The following ATP1A1 variants were observed in gnomAD, a reference collection of about 807,000 sequenced individuals.
ATP1A1 encodes ATPase Na+/K+ transporting subunit alpha 1, also known as sodium/potassium-transporting ATPase subunit alpha-1.
A neutral mutation model predicts 114.8 loss-of-function variants in ATP1A1; 14 were observed. The ratio of observed to expected loss-of-function variants is 0.12; its 90% CI spans 0.08 to 0.19. The LOEUF (loss-of-function observed/expected upper bound fraction) is 0.19, where lower values mean the gene tolerates loss of function less well. Among genes scored for constraint, ATP1A1 ranks in the 10% least tolerant of loss-of-function variants. The probability of loss-of-function intolerance (pLI) is 1.00; values close to 1 mark genes in which losing one functional copy is unlikely to be tolerated. For missense variants in ATP1A1, 524 were observed against 1,290.7 expected, an observed-to-expected ratio of 0.41 and a Z score of 9.10; for synonymous variants, 471 against 466.3, an observed-to-expected ratio of 1.01 and a Z score of -0.13.
In ATP1A1 at chr1:116,389,582, G is replaced by A. The variant is rs2101045468; in HGVS notation, c.898G>A (p.Val300Met). Residue 300 changes from valine to methionine, a missense_variant, in exon 8 of 23, where the codon GTG becomes ATG. By Grantham distance (21) the Val-to-Met change is conservative (BLOSUM62 1). Around this residue, in one of 8 missense-constraint regions of ATP1A1, gnomAD observed 28 missense variants for 131.8 expected, o/e 0.21. Coordinates refer to ENST00000295598, the MANE Select transcript of ATP1A1 (RefSeq NM_000701.8). The surrounding 1 kb of genome is among the most constrained non-coding windows in gnomAD (Gnocchi z 6.9). Reference protein sequence around the residue: ...HFIHIITGVAVFLGVSFFILS... With the variant: ...HFIHIITGVAMFLGVSFFILS... ...TATCCACATCATCACGGGTGTGGCT[G>A]TGTTCCTGGGTGTGTCTTTCTTCAT... The A allele has an allele frequency of 4.3e-6, 7 of 1,614,208 alleles. No homozygotes were observed. Among genetic ancestry groups the A allele is most frequent in the Non-Finnish European group, 5.9e-6 (7 of 1,180,042 alleles).
rs1445506224 is a variant in ATP1A1 at position 116,390,332 on chromosome 1, G to A, written c.1143G>A (p.Leu381=). Residue 381 remains leucine, a synonymous_variant, in exon 9 of 23, where the codon CTG becomes CTA. Coordinates refer to ENST00000295598, the MANE Select transcript of ATP1A1 (RefSeq NM_000701.8). ...TCTGCTCTGATAAAACTGGAACTCT[G>A]ACTCAGAACCGGATGACAGTGGCCC... ...STICSDKTGT[L]TQNRMTVAHM... is the part of the protein sequence containing the mutation. The A allele has an allele frequency of 2.0e-5, 32 of 1,614,012 alleles. No individual in the cohort carries two copies. Among genetic ancestry groups the A allele is most frequent in the Non-Finnish European group, 2.5e-5 (30 of 1,180,032 alleles).
chr1:116,395,388 A>C lies in ATP1A1; in HGVS notation c.1836+103A>C. 1 of 1,247,760 alleles carries C rather than the reference A, an allele frequency of 8.0e-7. No homozygotes were observed. Among genetic ancestry groups the C allele is most frequent in the Non-Finnish European group, 1.1e-6 (1 of 917,764 alleles). 77.3% of individuals were successfully genotyped at this position (1,247,760 alleles called of 1,614,324 possible). A position where few individuals can be genotyped will look rare whatever the true frequency, so the allele number is the denominator to read the frequency against. On this transcript the variant is annotated intron_variant, in intron 13 of 22. Coordinates refer to ENST00000295598, the MANE Select transcript of ATP1A1 (RefSeq NM_000701.8). This position sits in a 1 kb window ranked among gnomAD's most constrained non-coding sequence, Gnocchi z 6.4. ...TCCAGATGGCCAGCTGTTCTATCTCACCTGGAGTATTAATTTCTCATCTCC... is the reference window on the plus strand; with the variant it reads ...TCCAGATGGCCAGCTGTTCTATCTCCCCTGGAGTATTAATTTCTCATCTCC...
chr1:116,374,116 G>A lies in ATP1A1; in HGVS notation c.12+593G>A. 2.0e-6 allele frequency: 3 copies of A among 1,538,156 alleles called. No homozygotes were observed. In the South Asian group the frequency reaches 3.6e-5, roughly 19 times the overall value. On this transcript the variant is annotated intron_variant, in intron 1 of 22. Coordinates refer to ENST00000295598, the MANE Select transcript of ATP1A1 (RefSeq NM_000701.8). ...CTTCTCCTGGGGACGCTGGGGCTTA[G>A]CTTGCTCCGCGCAGAGGCGGCCGCC...
At chr1:116,392,543 T>TA (rs1357086839) in intron 10 of ATP1A1, 1 of 224,340 alleles carries the variant, frequency 4.5e-6, no homozygotes, top group Non-Finnish European at 8.6e-6. Flanking sequence ...AAGATAGAAA[T>TA]AGACTGCAGT....
intron 21 of ATP1A1, among the ~76,000 whole-genome samples, chr1:116,402,898 G>T (rs12080268): frequency 6.6e-6 from 1 of 152,108 alleles, no homozygotes. Flanking sequence ...TTTCTTCTCT[G>T]TGCATCCCCA....
intron 1 of ATP1A1, among the ~76,000 whole-genome samples, chr1:116,380,611 A>G (rs886410263): frequency 9.2e-5 from 14 of 152,100 alleles, no homozygotes; most frequent in Non-Finnish European, 1.8e-4. Context: ...AGAGGAAGCA[A>G]CATCTTCAGC....
In ATP1A1 at chr1:116,385,958, C is replaced by T. The variant is rs1308757905; in HGVS notation, c.183+1116C>T. 1 of 151,942 alleles carries T rather than the reference C, an allele frequency of 6.6e-6. No homozygotes were observed. The highest frequency in any genetic ancestry group is 2.4e-5 in the African/African-American group (1 of 41,290). 9.4% of individuals were successfully genotyped at this position (151,942 alleles called of 1,614,324 possible). On this transcript the variant is annotated intron_variant, in intron 3 of 22. Transcript: ENST00000295598. This position sits in a 1 kb window ranked among gnomAD's most constrained non-coding sequence, Gnocchi z 4.3. ...CCTGACCAACATGGAGAAACCCCGTCTCTACTAAAAATACAAAATTAGCCT... is the reference window on the plus strand; with the variant it reads ...CCTGACCAACATGGAGAAACCCCGTTTCTACTAAAAATACAAAATTAGCCT...
Position 116,395,178 on chromosome 1 carries a change from A to C in ATP1A1, c.1729A>C (p.Asn577His). The change falls in exon 13 of 23, where the codon AAT becomes CAT. Residue 577 changes from asparagine to histidine, a missense_variant. Asn to His is a moderately conservative substitution (Grantham distance 68). Coordinates refer to ENST00000295598, the MANE Select transcript of ATP1A1 (RefSeq NM_000701.8). This position sits in a 1 kb window ranked among gnomAD's most constrained non-coding sequence, Gnocchi z 6.4. ...GTTCCAGTTTGACACTGACGATGTGAATTTCCCTATCGATAATCTGTGCTT... is the reference window on the plus strand; with the variant it reads ...GTTCCAGTTTGACACTGACGATGTGCATTTCCCTATCGATAATCTGTGCTT... ...EGFQFDTDDV[N>H]FPIDNLCFVG... 1 of 1,614,144 alleles carries C rather than the reference A, an allele frequency of 6.2e-7. No individual in the cohort carries two copies. Among genetic ancestry groups the C allele is most frequent in the Non-Finnish European group, 8.5e-7 (1 of 1,180,026 alleles).
chr1:116,404,463 G>C lies in ATP1A1; in HGVS notation c.*19G>C. 1 of 1,606,636 alleles carries C rather than the reference G, an allele frequency of 6.2e-7. No individual in the cohort carries two copies. Among genetic ancestry groups the C allele is most frequent in the Non-Finnish European group, 8.5e-7 (1 of 1,177,808 alleles). ...CTATTAGCCCCCCGTCCTGCACGCC[G>C]TGGAGCATCAGGCCACACACTCTGC... is the stretch of plus-strand genomic sequence containing the variant. On this transcript the variant is annotated 3_prime_UTR_variant, in exon 23 of 23. Coordinates refer to ENST00000295598, the MANE Select transcript of ATP1A1 (RefSeq NM_000701.8). This position sits in a 1 kb window ranked among gnomAD's most constrained non-coding sequence, Gnocchi z 4.8.
In ATP1A1 at chr1:116,388,066, A is replaced by T; in HGVS notation, c.388-65A>T. ...AAATCTGTTTTTTATTCAGTCAAAA[A>T]ATTAATTGAATGTCCCTAATTATTG... On this transcript the variant is annotated intron_variant, in intron 4 of 22. Coordinates refer to ENST00000295598, the MANE Select transcript of ATP1A1 (RefSeq NM_000701.8). This position sits in a 1 kb window ranked among gnomAD's most constrained non-coding sequence, Gnocchi z 5.6. 9.3e-7 allele frequency: 1 copy of T among 1,074,936 alleles called. No homozygotes were observed. The highest frequency in any genetic ancestry group is 1.4e-6 in the Non-Finnish European group (1 of 719,980). 66.6% of individuals were successfully genotyped at this position (1,074,936 alleles called of 1,614,324 possible). A position where few individuals can be genotyped will look rare whatever the true frequency, so the allele number is the denominator to read the frequency against.
chr1:116,376,630 CTGTT>C (rs1376050644), intron 1 of ATP1A1, among the ~76,000 whole-genome samples: 4 of 152,158 alleles, frequency 2.6e-5, no homozygotes, highest in Non-Finnish European at 4.4e-5. Flanking sequence ...TGGTAACTTA[CTGTT>C]TGTTAATTTG....
chr1:116,403,429 A>G (rs1653692961), intron 21 of ATP1A1, among the ~76,000 whole-genome samples: 1 of 152,222 alleles, frequency 6.6e-6, no homozygotes, highest in South Asian at 2.1e-4. Context: ...TCAGAGATCA[A>G]ATTTGGGGAA....
intron 13 of ATP1A1, 50 bp from the exon 14 acceptor site, chr1:116,396,548 A>G (rs1333209498): frequency 6.2e-7 from 1 of 1,606,500 alleles, no homozygotes; most frequent in Non-Finnish European, 8.5e-7. Flanking sequence ...TAAGACTTTA[A>G]GGTCATTTAC....
At position 116,393,739 on chromosome 1, in the gene ATP1A1, G is replaced by C. The variant is rs747576266; in HGVS notation, c.1660+16G>C. The stretch of plus-strand genomic sequence containing the variant: ...CGAGTCCTAGGTATGCAGATAACCT[G>C]GTAACAGAGTGCCTGGGCACGTTTT... On this transcript the variant is annotated intron_variant, in intron 12 of 22. Coordinates refer to ENST00000295598, the MANE Select transcript of ATP1A1 (RefSeq NM_000701.8). This position sits in a 1 kb window ranked among gnomAD's most constrained non-coding sequence, Gnocchi z 5.0. The C allele has an allele frequency of 9.3e-6, 15 of 1,607,146 alleles. No individual in the cohort carries two copies. Among genetic ancestry groups the C allele is most frequent in the African/African-American group, 1.3e-5 (1 of 74,704 alleles).
At chr1:116,376,992 T>TG (rs1383438445) in intron 1 of ATP1A1, among the ~76,000 whole-genome samples, 9 of 152,238 alleles carry the variant, frequency 5.9e-5, no homozygotes, top group Non-Finnish European at 1.2e-4. Context: ...TTCGGATTAT[T>TG]TTAGCAACAA....
chr1:116,383,507 G>GA, intron 1 of ATP1A1: 1 of 382,110 alleles, frequency 2.6e-6, no homozygotes, highest in Non-Finnish European at 3.6e-6. Context: ...TGTGGAAGAG[G>GA]AAATTGAAAT....
intron 21 of ATP1A1, among the ~76,000 whole-genome samples, chr1:116,402,469 C>T (rs1382311781): frequency 1.3e-5 from 2 of 152,192 alleles, no homozygotes; most frequent in African/African-American, 4.8e-5. Context: ...CCCCTGTTGC[C>T]AGCACTTCCT....
rs1327898789 is a variant in ATP1A1, at chr1:116,381,062, TGAGA to T, written c.13-2950_13-2947del. Among the ~76,000 whole-genome samples, 1 of 152,150 alleles carries T rather than the reference TGAGA, an allele frequency of 6.6e-6. No individual in the cohort carries two copies. The highest frequency in any genetic ancestry group is 2.4e-5 in the African/African-American group (1 of 41,420). On this transcript the variant is annotated intron_variant, in intron 1 of 22. Transcript: ENST00000295598. This position sits in a 1 kb window ranked among gnomAD's most constrained non-coding sequence, Gnocchi z 5.1. ...GGGGGTGCCCTTACATGGAACATGA[TGAGA>T]GTGAGGATTAATCACTCCCAGTCCT...
rs943729387 is a variant in ATP1A1 at position 116,390,472 on chromosome 1, T to A, written c.1222+61T>A. On this transcript the variant is annotated intron_variant, in intron 9 of 22. Transcript: ENST00000295598. ...CTGACTTCGCTTGGTTTTTTTTCTT[T>A]TAAGAAATTGCATGAAATTTCTTTT... The A allele has an allele frequency of 1.3e-5, 19 of 1,507,438 alleles. No individual in the cohort carries two copies. The Admixed American group carries it at 3.0e-4, about 24-fold the overall frequency. 93.4% of individuals were successfully genotyped at this position (1,507,438 alleles called of 1,614,324 possible).
Sources: gnomAD v4.1 joint callset for allele counts (sites outside exome capture counted in the v4.1 genomes callset) on GRCh38, gnomAD v4.1.1 for gene constraint, gnomAD v4.1.1 regional missense constraint, Gnocchi (gnomAD v3.1) non-coding constraint, MANE v1.5 for transcripts, NCBI Gene and HGNC (gene_info 2026-07-23, HGNC 2026-07-21) for gene names.